The following WDR70 variants were observed in gnomAD, a reference collection of about 807,000 sequenced individuals.
WDR70 encodes the protein WD repeat-containing protein 70.
Under a neutral mutation model 88.6 loss-of-function variants are expected in WDR70, and 53 were observed. The ratio of observed to expected loss-of-function variants is 0.60; its 90% CI spans 0.48 to 0.75. The LOEUF (loss-of-function observed/expected upper bound fraction) is 0.75, where lower values mean the gene tolerates loss of function less well. Among genes scored for constraint, WDR70 ranks in the 30% least tolerant of loss-of-function variants. WDR70 has a pLI of 0.00. For missense variants in WDR70, 610 were observed against 823.2 expected, an observed-to-expected ratio of 0.74 and a Z score of 3.17; for synonymous variants, 280 against 270.0, an observed-to-expected ratio of 1.04 and a Z score of -0.36.
At position 37,633,512 on chromosome 5, in the gene WDR70, A is replaced by C. The variant is rs532801063; in HGVS notation, c.1092+28274A>C. On this transcript the variant is annotated intron_variant, in intron 10 of 17. Transcript: ENST00000265107. ...ATTCACTAGATCTAGTAGCCAGATG[A>C]TATCTTACTATTTTAATTTTTAAAC... Among the ~76,000 whole-genome samples, 13 of 151,634 alleles carry C rather than the reference A, an allele frequency of 8.6e-5. No homozygotes were observed. The East Asian group carries it at 2.5e-3, about 29-fold the overall frequency.
intron 8 of WDR70, chr5:37,506,119 G>C: frequency 8.9e-7 from 1 of 1,120,222 alleles, no homozygotes; most frequent in Non-Finnish European, 1.4e-6. Context: ...AGATTGCAGC[G>C]GCTTAAATTG....
chr5:37,537,984 C>T (rs1459589520), intron 9 of WDR70, among the ~76,000 whole-genome samples: 2 of 152,172 alleles, frequency 1.3e-5, no homozygotes, highest in Non-Finnish European at 2.9e-5. Flanking sequence ...AAAATTCACT[C>T]TATATTTCTT....
intron 10 of WDR70, among the ~76,000 whole-genome samples, chr5:37,689,387 T>A (rs1167053909): frequency 6.6e-6 from 1 of 152,220 alleles, no homozygotes; most frequent in Non-Finnish European, 1.5e-5. Context: ...CCTCCTCAAG[T>A]TGGTTCCTAA....
chr5:37,584,528 T>C (rs562628877), intron 9 of WDR70, among the ~76,000 whole-genome samples: 1 of 152,350 alleles, frequency 6.6e-6, no homozygotes, highest in South Asian at 2.1e-4. Flanking sequence ...CTTTTCAAAT[T>C]TGCACTGAAT....
Position 37,738,479 on chromosome 5 carries a change from C to T in WDR70, c.1877+11434C>T, listed in dbSNP as rs190845712. Among the ~76,000 whole-genome samples, 114 of 152,268 alleles carry T rather than the reference C, an allele frequency of 7.5e-4. 1 individual carries two copies. In the South Asian group the frequency reaches 0.023, roughly 30 times the overall value. On this transcript the variant is annotated intron_variant, in intron 17 of 17. Transcript: ENST00000265107. ...TGAAAACATTTTGTTACAGTGAAGA[C>T]GACTTCACTCTGGCCTGAGTGCTAG... is the stretch of plus-strand genomic sequence containing the variant.
chr5:37,699,392 T>C (rs1011794995), intron 11 of WDR70, among the ~76,000 whole-genome samples: 6 of 4,280 alleles, frequency 1.4e-3, no homozygotes, highest in African/African-American at 2.4e-3. Flanking sequence ...TGTATGTGTG[T>C]ATATATATAT....
intron 8 of WDR70, among the ~76,000 whole-genome samples, chr5:37,513,785 G>A (rs868411685): frequency 6.6e-6 from 1 of 152,046 alleles, no homozygotes; most frequent in East Asian, 1.9e-4. Flanking sequence ...TATTCTAGCC[G>A]AGCTGGCAGC....
intron 3 of WDR70, among the ~76,000 whole-genome samples, chr5:37,387,463 G>A (rs1316976335): frequency 2.6e-5 from 4 of 151,982 alleles, no homozygotes; most frequent in Non-Finnish European, 5.9e-5. Flanking sequence ...GATTTTTGTG[G>A]ACAAATTATT....
At chr5:37,615,329 A>G (rs1448719797) in intron 10 of WDR70, among the ~76,000 whole-genome samples, 4 of 152,196 alleles carry the variant, frequency 2.6e-5, no homozygotes, top group Non-Finnish European at 5.9e-5. Context: ...GGAAGGACTC[A>G]TCTGGAAAGA....
chr5:37,705,903 A>G (rs1747309031), intron 13 of WDR70, among the ~76,000 whole-genome samples: 1 of 152,176 alleles, frequency 6.6e-6, no homozygotes, highest in African/African-American at 2.4e-5. Context: ...CTGGACACAT[A>G]TAATTGGTTA....
intron 10 of WDR70, among the ~76,000 whole-genome samples, chr5:37,627,129 C>T (rs1744691241): frequency 6.6e-6 from 1 of 152,010 alleles, no homozygotes; most frequent in South Asian, 2.1e-4. Flanking sequence ...CACTCTGTTG[C>T]CCAGGCTGGA....
intron 13 of WDR70, among the ~76,000 whole-genome samples, chr5:37,706,820 G>A (rs1377425071): frequency 6.6e-6 from 1 of 151,312 alleles, no homozygotes; most frequent in African/African-American, 2.4e-5. Flanking sequence ...AGTATGCTTG[G>A]CCTCTTTTCT....
intron 10 of WDR70, among the ~76,000 whole-genome samples, chr5:37,696,750 C>T (rs796778116): frequency 1.8e-4 from 28 of 152,220 alleles, no homozygotes; most frequent in African/African-American, 6.7e-4. Flanking sequence ...TTTAATGGAC[C>T]AAATGTCTTT....
At chr5:37,580,255 G>A (rs1743180849) in intron 9 of WDR70, among the ~76,000 whole-genome samples, 1 of 152,174 alleles carries the variant, frequency 6.6e-6, no homozygotes, top group East Asian at 1.9e-4. Context: ...GCTATGGAAA[G>A]CTTTGGCTTA....
At chr5:37,575,521 A>T (rs1264531688) in intron 9 of WDR70, among the ~76,000 whole-genome samples, 1 of 152,156 alleles carries the variant, frequency 6.6e-6, no homozygotes, top group Admixed American at 6.6e-5. Flanking sequence ...TGAGTTAATA[A>T]TTTATTATGT....
intron 5 of WDR70, among the ~76,000 whole-genome samples, chr5:37,414,601 GTTTT>G (rs765190732): frequency 1.6e-5 from 2 of 121,276 alleles, no homozygotes; most frequent in African/African-American, 3.0e-5. Flanking sequence ...AGGACAGTCT[GTTTT>G]TTTTTTTTTT....
intron 9 of WDR70, among the ~76,000 whole-genome samples, chr5:37,522,163 A>G (rs1023924005): frequency 7.2e-5 from 11 of 152,078 alleles, no homozygotes; most frequent in Admixed American, 6.6e-5. Flanking sequence ...GGCCATTTAT[A>G]TATCTTCTTT....
At chr5:37,433,304 G>A (rs1750369293) in intron 5 of WDR70, among the ~76,000 whole-genome samples, 1 of 152,054 alleles carries the variant, frequency 6.6e-6, no homozygotes, top group African/African-American at 2.4e-5. Context: ...CAAGTGATCC[G>A]CCTACCTTGG....
At position 37,396,496 on chromosome 5, in the gene WDR70, G is replaced by T; in HGVS notation, c.418G>T (p.Gly140Cys). The T allele has an allele frequency of 1.9e-6, 3 of 1,613,908 alleles. No individual in the cohort carries two copies. Among genetic ancestry groups the T allele is most frequent in the South Asian group, 2.2e-5 (2 of 91,076 alleles). Residue 140 changes from glycine (G) to cysteine (C), a missense_variant, in exon 5 of 18, where the codon GGT becomes TGT. Gly to Cys is a radical substitution (Grantham distance 159). This residue lies in a region of WDR70 where 203 missense variants were observed against 228.1 expected (regional missense o/e 0.89). Coordinates refer to ENST00000265107, the MANE Select transcript of WDR70 (RefSeq NM_018034.4). ...PVNFMEEDIL[G>C]PLPPPLNEEE... ...TAATTTTATGGAGGAAGATATCCTC[G>T]GTCCTTTACCTCCACCTCTTAATGA...
Sources: gnomAD v4.1 joint callset for allele counts (sites outside exome capture counted in the v4.1 genomes callset) on GRCh38, gnomAD v4.1.1 for gene constraint, gnomAD v4.1.1 regional missense constraint, MANE v1.5 for transcripts, NCBI Gene and HGNC (gene_info 2026-07-23, HGNC 2026-07-21) for gene names.